APOH: variants seen among roughly 807,000 people sequenced by gnomAD.
The protein encoded by APOH is beta-2-glycoprotein 1.
Under a neutral mutation model 39.8 loss-of-function variants are expected in APOH, and 48 were observed. The ratio of observed to expected loss-of-function variants is 1.21; its 90% CI spans 0.96 to 1.54. APOH has a LOEUF of 1.54. Among genes scored for constraint, APOH ranks in the 40% most tolerant of loss-of-function variants. The pLI, the probability that APOH is intolerant of heterozygous loss-of-function variation, is 0.00. For missense variants in APOH, 415 were observed against 421.2 expected (o/e 0.99, Z 0.13); for synonymous variants, 153 against 151.1 (o/e 1.01, Z -0.09).
chr17:66,219,287 G>A (rs187959744), intron 5 of APOH, among the ~76,000 whole-genome samples: 1 of 152,170 alleles, frequency 6.6e-6, no homozygotes, highest in African/African-American at 2.4e-5. Context: ...AAGGCTTTAT[G>A]GGCAAGTATC....
At chr17:66,224,841 G>A (rs1374961419) in intron 3 of APOH, among the ~76,000 whole-genome samples, 1 of 151,588 alleles carries the variant, frequency 6.6e-6, no homozygotes, top group Non-Finnish European at 1.5e-5. Context: ...GGCCAAGGAG[G>A]GTGGATCACA....
chr17:66,228,011 C>T lies in APOH; in HGVS notation c.241+9G>A, dbSNP rs1806426557. 6.2e-7 allele frequency: 1 copy of T among 1,608,084 alleles called. No individual in the cohort carries two copies. Among genetic ancestry groups the T allele is most frequent in the Non-Finnish European group, 8.5e-7 (1 of 1,176,896 alleles). ...AGGGAAGAGAATGTGAGAGAAGGTA[C>T]TGACTTACGTGTACATTTCAGAGTG... On this transcript the variant is annotated intron_variant, in intron 2 of 7. Transcript: ENST00000205948.
In APOH at chr17:66,229,301, G is replaced by A. The variant is rs1029024073; in HGVS notation, c.64+15C>T. 6.2e-7 allele frequency: 1 copy of A among 1,609,754 alleles called. No individual in the cohort carries two copies. Among genetic ancestry groups the A allele is most frequent in the Admixed American group, 1.7e-5 (1 of 59,810 alleles). On this transcript the variant is annotated intron_variant, in intron 1 of 7. Transcript: ENST00000205948. Reference sequence around the variant, plus strand: ...GGATATATTAATTATTTTTTCAAAAGCAAAAAGTACTTACTCCGTCCTGCA... The same window carrying A: ...GGATATATTAATTATTTTTTCAAAAACAAAAAGTACTTACTCCGTCCTGCA...
chr17:66,222,715 G>T (rs1383719167), intron 4 of APOH, among the ~76,000 whole-genome samples: 1 of 151,896 alleles, frequency 6.6e-6, no homozygotes, highest in Non-Finnish European at 1.5e-5. Flanking sequence ...GGGATTAGAG[G>T]CATGCGCCAC....
chr17:66,214,370 T>C, intron 7 of APOH, 83 bp downstream of exon 7: 3 of 1,388,272 alleles, frequency 2.2e-6, no homozygotes, highest in Middle Eastern at 2.1e-4. Context: ...CATCTGGTTT[T>C]TGACAATCAT....
At chr17:66,217,047 T>G in intron 5 of APOH, 80 bp from the exon 6 acceptor site, 2 of 1,186,000 alleles carry the variant, frequency 1.7e-6, no homozygotes, top group Non-Finnish European at 2.3e-6. Flanking sequence ...TCCTTGTCTC[T>G]GTCACACCAC....
intron 5 of APOH, among the ~76,000 whole-genome samples, 188 bp from the exon 6 acceptor site, chr17:66,217,155 T>C (rs112150669): frequency 7.2e-5 from 11 of 152,250 alleles, no homozygotes; most frequent in African/African-American, 2.2e-4. Flanking sequence ...CCCTGGATAT[T>C]AAAAAAGAAA....
chr17:66,214,348 C>A (rs8178939), intron 7 of APOH, 105 bp downstream of exon 7: 2 of 1,115,972 alleles, frequency 1.8e-6, no homozygotes, highest in Non-Finnish European at 1.3e-6. Flanking sequence ...CGTGACCCAC[C>A]GCACCTGGCC....
intron 3 of APOH, 131 bp from the exon 4 acceptor site, chr17:66,223,905 T>C (rs2073418889): frequency 3.8e-6 from 3 of 781,756 alleles, no homozygotes; most frequent in Non-Finnish European, 6.3e-6. Flanking sequence ...GCTGTCTTCC[T>C]GACAAACTTA....
At chr17:66,225,145 G>A (rs1464328418) in intron 3 of APOH, among the ~76,000 whole-genome samples, 3 of 152,060 alleles carry the variant, frequency 2.0e-5, no homozygotes, top group Non-Finnish European at 4.4e-5. Flanking sequence ...CAGACCCATT[G>A]GTAGATTGGT....
chr17:66,227,960 C>T, intron 2 of APOH, 60 bp downstream of exon 2: 1 of 1,549,072 alleles, frequency 6.5e-7, no homozygotes, highest in East Asian at 2.3e-5. Flanking sequence ...GTAGCTTATT[C>T]CTCCAAAATA....
chr17:66,225,169 G>A (rs1375979008), intron 3 of APOH, among the ~76,000 whole-genome samples: 1 of 152,146 alleles, frequency 6.6e-6, no homozygotes, highest in Non-Finnish European at 1.5e-5. Flanking sequence ...TCAGATGAAA[G>A]GTGTGTATTT....
At position 66,226,040 on chromosome 17, in the gene APOH, G is replaced by A. The variant is rs1339937905; in HGVS notation, c.326C>T (p.Ser109Phe). 6.2e-7 allele frequency: 1 copy of A among 1,611,758 alleles called. No homozygotes were observed. The highest frequency in any genetic ancestry group is 1.7e-5 in the Admixed American group (1 of 59,740). ...TGAAAGTTCTTACCCAGTGTTACAA[G>A]AAAAACTGATCGTGTTGGGATATTC... ...TFEYPNTISF[S>F]CNTGFYLNGA... Residue 109 changes from serine to phenylalanine, a missense_variant, in exon 3 of 8, where the codon TCT (serine) becomes TTT (phenylalanine). Physicochemically the swap from Ser to Phe is radical, Grantham distance 155 (BLOSUM62 -2). Around this residue, in one of 3 missense-constraint regions of APOH, gnomAD observed 288 missense variants for 284.9 expected, o/e 1.01. Coordinates refer to ENST00000205948, the MANE Select transcript of APOH (RefSeq NM_000042.3).
chr17:66,220,539 G>T lies in APOH; in HGVS notation c.604+15C>A. On this transcript the variant is annotated intron_variant, in intron 5 of 7. Transcript: ENST00000205948. Reference sequence around the variant, plus strand: ...TTGCCCTACCATGCGTATTTTGTCTGATCATTGCACTTACCCCTGCATTCT... The same window carrying T: ...TTGCCCTACCATGCGTATTTTGTCTTATCATTGCACTTACCCCTGCATTCT... 6.2e-7 allele frequency: 1 copy of T among 1,611,222 alleles called. No individual in the cohort carries two copies. Among genetic ancestry groups the T allele is most frequent in the South Asian group, 1.1e-5 (1 of 90,944 alleles).
At position 66,212,187 on chromosome 17, in the gene APOH, T is replaced by C. The variant is rs1472535158; in HGVS notation, c.984A>G (p.Glu328=). ...TTTTCCAAAAAGCCAGAGAACTGTGTTCTGTTGGGGGAGAAAAAGATAAAC... is the reference window on the plus strand; with the variant it reads ...TTTTCCAAAAAGCCAGAGAACTGTGCTCTGTTGGGGGAGAAAAAGATAAAC... The part of the protein sequence containing the change: ...GTIEVPKCFK[E]HSSLAFWKTD... The change falls in exon 8 of 8, where the codon GAA becomes GAG. Residue 328 remains glutamate (E), a splice_region_variant and synonymous_variant. Coordinates refer to ENST00000205948, the MANE Select transcript of APOH (RefSeq NM_000042.3). 2.5e-6 allele frequency: 4 copies of C among 1,613,192 alleles called. No homozygotes were observed. The Admixed American group carries it at 5.0e-5, about 20-fold the overall frequency.
In APOH at chr17:66,223,745, T is replaced by G; in HGVS notation, c.368A>C (p.Lys123Thr). ...GCTCCATTTTCCTTCCTCAGTGCACTTGGCAGAATCAGCGCCATTCAGATA... is the reference window on the plus strand; with the variant it reads ...GCTCCATTTTCCTTCCTCAGTGCACGTGGCAGAATCAGCGCCATTCAGATA... Reference protein sequence around the residue: ...GFYLNGADSAKCTEEGKWSPE... With the variant: ...GFYLNGADSATCTEEGKWSPE... The change falls in exon 4 of 8, where the codon AAG becomes ACG. Residue 123 changes from lysine to threonine, a missense_variant. This residue lies in a region of APOH where 288 missense variants were observed against 284.9 expected (regional missense o/e 1.01). Coordinates refer to ENST00000205948, the MANE Select transcript of APOH (RefSeq NM_000042.3). 1 of 1,614,188 alleles carries G rather than the reference T, an allele frequency of 6.2e-7. No individual in the cohort carries two copies. The highest frequency in any genetic ancestry group is 1.7e-5 in the Admixed American group (1 of 60,014).
rs1281987142 is a variant in APOH at position 66,224,688 on chromosome 17, G to A, written c.339-914C>T. ...GAAGGGAAGGGAAGGGAAGGGAAGG[G>A]AAGGGAAAGGAAAGGAAAGGAAAGG... On this transcript the variant is annotated intron_variant, in intron 3 of 7. Transcript: ENST00000205948. Among the ~76,000 whole-genome samples the A allele has an allele frequency of 3.7e-3, 218 of 58,382 alleles. 11 individuals carry two copies. Among genetic ancestry groups the A allele is most frequent in the Non-Finnish European group, 3.8e-3 (124 of 32,504 alleles). The allele number at this position is 58,382 out of a possible 152,430, so 38.3% of individuals were successfully genotyped here.
chr17:66,213,608 A>T (rs534566609), intron 7 of APOH, among the ~76,000 whole-genome samples: 31 of 152,304 alleles, frequency 2.0e-4, no homozygotes, highest in Admixed American at 2.0e-3. Context: ...CTCAGCATTC[A>T]TTGAATATAA....
chr17:66,227,948 A>C lies in APOH; in HGVS notation c.241+72T>G. On this transcript the variant is annotated intron_variant, in intron 2 of 7. Transcript: ENST00000205948. ...GGCCCTCTGCACTCTGAGCATGACGAGGTAGCTTATTCCTCCAAAATACCC... is the reference window on the plus strand; with the variant it reads ...GGCCCTCTGCACTCTGAGCATGACGCGGTAGCTTATTCCTCCAAAATACCC... The C allele has an allele frequency of 6.6e-6, 10 of 1,505,878 alleles. No individual in the cohort carries two copies. The South Asian group carries it at 1.3e-4, about 19-fold the overall frequency. 93.3% of individuals were successfully genotyped at this position (1,505,878 alleles called of 1,614,324 possible).
Sources: gnomAD v4.1 joint callset for allele counts (sites outside exome capture counted in the v4.1 genomes callset) on GRCh38, gnomAD v4.1.1 for gene constraint, gnomAD v4.1.1 regional missense constraint, MANE v1.5 for transcripts, NCBI Gene and HGNC (gene_info 2026-07-23, HGNC 2026-07-21) for gene names.